The following PIR variants were observed in gnomAD, a reference collection of about 807,000 sequenced individuals.
The protein encoded by PIR is pirin (iron-binding nuclear protein).
Under a neutral mutation model 24.2 loss-of-function variants are expected in PIR, and 22 were observed. That is an observed-to-expected ratio of 0.91 (90% CI 0.65 to 1.30). The LOEUF (loss-of-function observed/expected upper bound fraction) is 1.30. Among genes scored for constraint, PIR ranks in the 50% most tolerant of loss-of-function variants. PIR has a pLI of 0.00. For synonymous variants in PIR, 80 were observed against 79.6 expected, an observed-to-expected ratio of 1.00 and a Z score of -0.03; for missense variants, 220 against 220.3, an observed-to-expected ratio of 1.00 and a Z score of 0.01.
intron 5 of PIR, chrX:15,429,863 A>G (rs976417376): frequency 1.8e-5 from 2 of 110,531 alleles, no homozygotes; most frequent in Non-Finnish European, 3.8e-5. Context: ...CTCAAGGGAA[A>G]AAAAAAAAAG....
intron 8 of PIR, among the ~76,000 whole-genome samples, chrX:15,390,804 A>C (rs1316865716): frequency 8.9e-6 from 1 of 111,948 alleles, no homozygotes; most frequent in Non-Finnish European, 1.9e-5. Context: ...TTTGCTTAGA[A>C]TTAAGGATTC....
chrX:15,385,036 C>A lies in PIR; in HGVS notation c.841G>T (p.Ala281Ser). 1 of 1,183,028 alleles carries A rather than the reference C, an allele frequency of 8.5e-7. No homozygotes were observed. Among genetic ancestry groups the A allele is most frequent in the Non-Finnish European group, 1.1e-6 (1 of 870,368 alleles). ...FRNAKNGFER[A>S]KTWKSKIGN is the part of the protein sequence containing the mutation. ...CCAATCTTTGATTTCCAGGTTTTGG[C>A]CCTTTCAAACCCATTTTTTGCGTTT... Residue 281 changes from alanine (A) to serine (S), a missense_variant, in exon 10 of 10, where the codon GCC (alanine) becomes TCC (serine). By Grantham distance (99) the Ala-to-Ser change is moderately conservative (BLOSUM62 1). Transcript: ENST00000380420.
intron 2 of PIR, among the ~76,000 whole-genome samples, chrX:15,487,074 G>A (rs1026377901): frequency 7.2e-5 from 8 of 111,542 alleles, no homozygotes; most frequent in South Asian, 3.8e-4. Context: ...GGTTTACTCG[G>A]CCTCTAGACT....
chrX:15,417,610 G>C (rs1272119576), intron 6 of PIR, among the ~76,000 whole-genome samples: 2 of 111,297 alleles, frequency 1.8e-5, no homozygotes, highest in Non-Finnish European at 3.8e-5. Flanking sequence ...CAGTTCTTGA[G>C]GTCAGAAGCC....
intron 6 of PIR, among the ~76,000 whole-genome samples, chrX:15,415,642 C>T (rs191475074): frequency 7.2e-5 from 8 of 111,464 alleles, no homozygotes; most frequent in African/African-American, 9.8e-5. Context: ...GTTCTTATCA[C>T]AAAAATGATA....
At chrX:15,422,087 A>G (rs193244528) in intron 6 of PIR, among the ~76,000 whole-genome samples, 94 of 111,644 alleles carry the variant, frequency 8.4e-4, no homozygotes, top group African/African-American at 2.9e-3. Flanking sequence ...AGCATTCAAT[A>G]AAATTCAACA....
In PIR at chrX:15,426,036, GTTC is replaced by G. The variant is rs1925307092; in HGVS notation, c.481-49_481-47del. The G allele has an allele frequency of 3.5e-6, 3 of 850,412 alleles. 1 individual carries two copies. Among genetic ancestry groups the G allele is most frequent in the South Asian group, 4.1e-5 (2 of 48,505 alleles). The allele number at this position is 850,412 out of a possible 1,213,427, so 70.1% of individuals were successfully genotyped here. A position where few individuals can be genotyped will look rare whatever the true frequency, so the allele number is the denominator to read the frequency against. ...ATCAGTGTTTTTTTCTAAGAATAAG[GTTC>G]TTCTTTCCTTCAGCTGGCCCTTCTG... On this transcript the variant is annotated intron_variant, in intron 5 of 9. Coordinates refer to ENST00000380420, the MANE Select transcript of PIR (RefSeq NM_001018109.3).
chrX:15,396,965 T>A (rs4830944), intron 8 of PIR, among the ~76,000 whole-genome samples: 4 of 110,574 alleles, frequency 3.6e-5, no homozygotes, highest in Non-Finnish European at 7.6e-5. Flanking sequence ...TGGTCTCGAT[T>A]TCCTGACATC....
chrX:15,434,548 A>G (rs777835492), intron 5 of PIR, among the ~76,000 whole-genome samples: 1 of 110,762 alleles, frequency 9.0e-6, no homozygotes, highest in Non-Finnish European at 1.9e-5. Context: ...GTTTCAATGG[A>G]CCAGTGTGGG....
intron 8 of PIR, among the ~76,000 whole-genome samples, chrX:15,390,816 A>AT (rs944706454): frequency 2.7e-5 from 3 of 111,678 alleles, no homozygotes; most frequent in Admixed American, 9.5e-5. Flanking sequence ...TAAGGATTCA[A>AT]TTTTTTTCCT....
At chrX:15,425,870 C>T (rs746613574) in intron 6 of PIR, 36 bp downstream of exon 6, 4 of 779,056 alleles carry the variant, frequency 5.1e-6, no homozygotes, top group African/African-American at 2.1e-5. Flanking sequence ...TTTTTTTTTT[C>T]CTGACGTGAC....
intron 2 of PIR, among the ~76,000 whole-genome samples, chrX:15,484,542 T>C (rs1280102699): frequency 2.7e-5 from 3 of 109,954 alleles, no homozygotes; most frequent in Non-Finnish European, 3.8e-5. Flanking sequence ...CTCAAACTCC[T>C]GAGCTCAAGT....
chrX:15,476,251 A>G (rs904658322), intron 3 of PIR, among the ~76,000 whole-genome samples: 7 of 112,171 alleles, frequency 6.2e-5, no homozygotes, highest in Non-Finnish European at 1.1e-4. Context: ...ACCAGTTAAA[A>G]TAAATGTGAG....
intron 6 of PIR, among the ~76,000 whole-genome samples, chrX:15,410,470 A>G (rs1040253590): frequency 9.0e-6 from 1 of 111,473 alleles, no homozygotes; most frequent in Non-Finnish European, 1.9e-5. Context: ...AAAACCTCAA[A>G]ACTCTCAATA....
intron 2 of PIR, among the ~76,000 whole-genome samples, chrX:15,481,160 A>G (rs1321782264): frequency 8.9e-6 from 1 of 112,523 alleles, no homozygotes; most frequent in Non-Finnish European, 1.9e-5. Context: ...TGATGACTTC[A>G]TTTTAGGTCA....
At chrX:15,443,512 CAAT>C (rs1356520795) in intron 5 of PIR, among the ~76,000 whole-genome samples, 3 of 110,855 alleles carry the variant, frequency 2.7e-5, no homozygotes, top group Non-Finnish European at 3.8e-5. Flanking sequence ...AATTAATATT[CAAT>C]AATTTAATTG....
intron 3 of PIR, among the ~76,000 whole-genome samples, chrX:15,468,948 T>G (rs1176420057): frequency 8.9e-6 from 1 of 112,317 alleles, no homozygotes; most frequent in African/African-American, 3.2e-5. Flanking sequence ...AACTAAAGTA[T>G]ATCACTTATG....
At chrX:15,484,306 CTTTTTTTTT>C (rs1193474348) in intron 2 of PIR, among the ~76,000 whole-genome samples, 5 of 67,487 alleles carry the variant, frequency 7.4e-5, no homozygotes, top group East Asian at 5.3e-4. Flanking sequence ...TCTCAATTTT[CTTTTTTTTT>C]TTTTTTTTTT....
At chrX:15,437,703 GAT>G (rs1252756462) in intron 5 of PIR, among the ~76,000 whole-genome samples, 6 of 112,652 alleles carry the variant, frequency 5.3e-5, no homozygotes, top group African/African-American at 1.9e-4. Flanking sequence ...CCAGAAATAA[GAT>G]AAACTATTAC....
Sources: gnomAD v4.1 joint callset for allele counts (sites outside exome capture counted in the v4.1 genomes callset) on GRCh38, gnomAD v4.1.1 for gene constraint, MANE v1.5 for transcripts, NCBI Gene and HGNC (gene_info 2026-07-23, HGNC 2026-07-21) for gene names.